The following ERBB4 variants were observed in gnomAD, a reference collection of about 807,000 sequenced individuals.
ERBB4 encodes the protein erb-b2 receptor tyrosine kinase 4, also known as receptor tyrosine-protein kinase erbB-4.
Under a neutral mutation model 158.0 loss-of-function variants are expected in ERBB4, and 42 were observed. That is an observed-to-expected ratio of 0.27 (90% CI 0.21 to 0.34). The LOEUF (loss-of-function observed/expected upper bound fraction) is 0.34. Ranked by LOEUF, ERBB4 falls within the 10% of genes least tolerant of loss-of-function variation. The pLI is 1.00. For missense variants in ERBB4, 1,333 were observed against 1,624.1 expected (o/e 0.82, Z 3.08); for synonymous variants, 583 against 558.7 (o/e 1.04, Z -0.61).
intron 2 of ERBB4, among the ~76,000 whole-genome samples, chr2:212,102,646 CGTAA>C (rs1168848301): frequency 6.6e-6 from 1 of 152,040 alleles, no homozygotes; most frequent in Non-Finnish European, 1.5e-5. Context: ...AGTTAAATAT[CGTAA>C]GTAATAATTC....
intron 2 of ERBB4, among the ~76,000 whole-genome samples, chr2:211,956,656 C>G (rs1176126093): frequency 6.6e-6 from 1 of 151,598 alleles, no homozygotes; most frequent in Non-Finnish European, 1.5e-5. Context: ...GCAATTATGC[C>G]AAAATATTTG....
chr2:211,861,047 ATT>A (rs1396523979), intron 3 of ERBB4, among the ~76,000 whole-genome samples: 217 of 11,876 alleles, frequency 0.018, 36 homozygotes, highest in African/African-American at 0.078. Context: ...ATATTTATAT[ATT>A]TATATATATA....
At chr2:211,840,537 T>G (rs1559563687) in intron 3 of ERBB4, among the ~76,000 whole-genome samples, 1 of 152,082 alleles carries the variant, frequency 6.6e-6, no homozygotes, top group Admixed American at 6.6e-5. Context: ...TTAATTAAAC[T>G]TAACCTCACA....
intron 2 of ERBB4, among the ~76,000 whole-genome samples, chr2:212,036,936 A>C (rs2077028444): frequency 6.6e-6 from 1 of 152,192 alleles, no homozygotes; most frequent in South Asian, 2.1e-4. Flanking sequence ...CAAATCCTAG[A>C]GATAGCAGAA....
At chr2:212,144,406 C>A (rs2080593842) in intron 1 of ERBB4, among the ~76,000 whole-genome samples, 1 of 152,118 alleles carries the variant, frequency 6.6e-6, no homozygotes, top group Admixed American at 6.5e-5. Context: ...TAAAAATAAT[C>A]AAAACATAGT....
Position 211,381,448 on chromosome 2 carries a change from G to A in ERBB4, c.*2167C>T, listed in dbSNP as rs2062572239. 4.3e-6 allele frequency: 1 copy of A among 231,836 alleles called. No individual in the cohort carries two copies. The highest frequency in any genetic ancestry group is 1.8e-4 in the South Asian group (1 of 5,522). 14.4% of individuals were successfully genotyped at this position (231,836 alleles called of 1,614,324 possible). A position where few individuals can be genotyped will look rare whatever the true frequency, so the allele number is the denominator to read the frequency against. The stretch of plus-strand genomic sequence containing the variant: ...GATGTTTAACTTATATCCCAAATGA[G>A]TTTAAAGGAGATATCTTACAGTACA... On this transcript the variant is annotated 3_prime_UTR_variant, in exon 28 of 28. Coordinates refer to ENST00000342788, the MANE Select transcript of ERBB4 (RefSeq NM_005235.3).
chr2:211,563,354 A>G (rs2067458337), intron 19 of ERBB4, among the ~76,000 whole-genome samples: 1 of 152,210 alleles, frequency 6.6e-6, no homozygotes, highest in Non-Finnish European at 1.5e-5. Flanking sequence ...AATATCACCT[A>G]CGTAGTATTC....
At chr2:211,754,150 G>A (rs1190245412) in intron 4 of ERBB4, among the ~76,000 whole-genome samples, 2 of 151,964 alleles carry the variant, frequency 1.3e-5, no homozygotes, top group African/African-American at 2.4e-5. Context: ...GTAAGCCACC[G>A]CGCCTGGCCA....
At chr2:212,334,953 A>T (rs1361870004) in intron 1 of ERBB4, among the ~76,000 whole-genome samples, 1 of 151,988 alleles carries the variant, frequency 6.6e-6, no homozygotes, top group Non-Finnish European at 1.5e-5. Flanking sequence ...TAAGTAGATC[A>T]CTATATCAGG....
At chr2:212,043,292 G>A (rs1208971578) in intron 2 of ERBB4, among the ~76,000 whole-genome samples, 1 of 152,006 alleles carries the variant, frequency 6.6e-6, no homozygotes, top group Non-Finnish European at 1.5e-5. Context: ...ACATAGGTAC[G>A]CTGTTTATTT....
At position 211,987,330 on chromosome 2, in the gene ERBB4, C is replaced by CAAAAA. The variant is rs564412801; in HGVS notation, c.235-39719_235-39715dup. 7.3e-4 allele frequency among the ~76,000 whole-genome samples: 41 copies of CAAAAA among 56,156 alleles called. 1 individual carries two copies. The highest frequency in any genetic ancestry group is 2.3e-3 in the South Asian group (3 of 1,306). The allele number at this position is 56,156 out of a possible 152,430, so 36.8% of individuals were successfully genotyped here. The stretch of plus-strand genomic sequence containing the variant: ...AGGGAGACTCCATCTCAAGAAAAGA[C>CAAAAA]AAAAAAAAAAAAAAGAAAGAAATCT... On this transcript the variant is annotated intron_variant, in intron 2 of 27. Coordinates refer to ENST00000342788, the MANE Select transcript of ERBB4 (RefSeq NM_005235.3).
At chr2:211,529,019 T>A (rs2066424310) in intron 20 of ERBB4, among the ~76,000 whole-genome samples, 1 of 150,358 alleles carries the variant, frequency 6.7e-6, no homozygotes, top group Non-Finnish European at 1.5e-5. Context: ...TAGAGATAAA[T>A]GAAATTGAAA....
intron 2 of ERBB4, among the ~76,000 whole-genome samples, chr2:212,121,235 T>G (rs1259113523): frequency 3.3e-5 from 5 of 152,200 alleles, no homozygotes; most frequent in South Asian, 2.1e-4. Context: ...TTTGTTTGTT[T>G]GTTTGTTTGT....
rs185074555 is a variant in ERBB4, at chr2:211,676,011, G to T, written c.1623-2754C>A. 4.3e-3 allele frequency among the ~76,000 whole-genome samples: 655 copies of T among 151,976 alleles called. 2 individuals are homozygous for T. The highest frequency in any genetic ancestry group is 0.015 in the South Asian group (72 of 4,832). ...TTGATAATCACAACTGTCCTATAAAGTTAACACCACTATTATTCCCAATTT... is the reference window on the plus strand; with the variant it reads ...TTGATAATCACAACTGTCCTATAAATTTAACACCACTATTATTCCCAATTT... On this transcript the variant is annotated intron_variant, in intron 13 of 27. Transcript: ENST00000342788.
intron 2 of ERBB4, among the ~76,000 whole-genome samples, chr2:212,113,192 G>A (rs573902567): frequency 6.6e-6 from 1 of 152,228 alleles, no homozygotes; most frequent in South Asian, 2.1e-4. Context: ...AGTAGAGACT[G>A]TATGATTTTC....
chr2:212,180,049 T>C (rs1915745), intron 1 of ERBB4, among the ~76,000 whole-genome samples: 26,548 of 151,550 alleles, frequency 0.18, 2,648 homozygotes, highest in Non-Finnish European at 0.22. Flanking sequence ...AATGGTAATA[T>C]AAAGCCATGC....
chr2:212,117,871 T>C (rs920191711), intron 2 of ERBB4, among the ~76,000 whole-genome samples: 6 of 152,188 alleles, frequency 3.9e-5, no homozygotes, highest in African/African-American at 1.4e-4. Context: ...TGGTATTTAA[T>C]AAGCTAAAAA....
intron 2 of ERBB4, among the ~76,000 whole-genome samples, chr2:212,055,307 A>C (rs544098604): frequency 3.0e-4 from 45 of 152,194 alleles, no homozygotes; most frequent in Non-Finnish European, 5.1e-4. Flanking sequence ...AGGAAGCTCG[A>C]ACTGGGTGGA....
At chr2:211,867,315 T>C (rs922435786) in intron 3 of ERBB4, among the ~76,000 whole-genome samples, 19 of 152,136 alleles carry the variant, frequency 1.2e-4, no homozygotes, top group African/African-American at 4.6e-4. Context: ...ACTCACATTC[T>C]CTCCGGTGAA....
Sources: allele counts gnomAD v4.1 joint callset (sites outside exome capture counted in the v4.1 genomes callset), GRCh38; gene constraint gnomAD v4.1.1; transcripts MANE v1.5; gene names NCBI Gene and HGNC (gene_info 2026-07-23, HGNC 2026-07-21).